TRIML1: variants seen among roughly 807,000 people sequenced by gnomAD.
The protein encoded by TRIML1 is probable E3 ubiquitin-protein ligase TRIML1.
TRIML1 carries 34 observed loss-of-function variants against 32.3 expected under a neutral mutation model. The ratio of observed to expected loss-of-function variants is 1.05; its 90% confidence interval spans 0.80 to 1.40. The LOEUF is 1.40. Ranked by LOEUF, TRIML1 falls within the 40% of genes most tolerant of loss-of-function variation. The pLI is 0.00. For missense variants in TRIML1, 595 were observed against 574.9 expected (o/e 1.03, Z -0.36); for synonymous variants, 244 against 226.6 (o/e 1.08, Z -0.69).
chr4:188,139,678 C>T lies in TRIML1; in HGVS notation c.120C>T (p.Leu40=). 1.2e-6 allele frequency: 2 copies of T among 1,614,112 alleles called. No homozygotes were observed. The highest frequency in any genetic ancestry group is 1.7e-6 in the Non-Finnish European group (2 of 1,180,030). The change falls in exon 1 of 6, where the codon CTC becomes CTT. Residue 40 remains leucine, a synonymous_variant. Transcript: ENST00000332517. ...GGCACAGCTTTTGTCTGGTGTGTCT[C>T]CTCAGGAGCTGGGAGGAACATAACA... ...ECGHSFCLVC[L]LRSWEEHNTP... is the part of the protein sequence containing the mutation.
chr4:188,146,741 A>T (rs535822248), intron 5 of TRIML1, 81 bp from the exon 6 acceptor site: 6 of 1,141,248 alleles, frequency 5.3e-6, no homozygotes, highest in Non-Finnish European at 7.0e-6. Flanking sequence ...ACTAAATACT[A>T]AGAATTCAAT....
intron 4 of TRIML1, 30 bp downstream of exon 4, chr4:188,143,890 A>C (rs763276724): frequency 3.1e-6 from 5 of 1,614,136 alleles, no homozygotes; most frequent in Non-Finnish European, 4.2e-6. Context: ...TCAGTTATGC[A>C]AGCTGCGGGG....
chr4:188,143,594 T>A, intron 3 of TRIML1: 1 of 538,820 alleles, frequency 1.9e-6, no homozygotes, highest in Non-Finnish European at 3.3e-6. Context: ...CTGGACAAGG[T>A]GATGATACGA....
chr4:188,147,069 C>T lies in TRIML1; in HGVS notation c.1104C>T (p.Leu368=). The change falls in exon 6 of 6, where the codon CTC becomes CTT. Residue 368 remains leucine (L), a synonymous_variant. Coordinates refer to ENST00000332517, the MANE Select transcript of TRIML1 (RefSeq NM_178556.5). ...CKDSVSRKGN[L]PKPPGDLFSL... ...ACTCTGTGAGCAGAAAGGGGAATCT[C>T]CCCAAGCCACCTGGGGACCTGTTCT... 6 of 1,613,732 alleles carry T rather than the reference C, an allele frequency of 3.7e-6. No homozygotes were observed. The highest frequency in any genetic ancestry group is 5.1e-6 in the Non-Finnish European group (6 of 1,179,880).
At chr4:188,144,285 C>T in intron 5 of TRIML1, 152 bp downstream of exon 5, 2 of 644,536 alleles carry the variant, frequency 3.1e-6, no homozygotes, top group Non-Finnish European at 5.4e-6. Flanking sequence ...GGGCCACAGA[C>T]CGTCTCTGAG....
intron 2 of TRIML1, among the ~76,000 whole-genome samples, chr4:188,141,980 C>T (rs1027248734): frequency 6.6e-6 from 1 of 151,832 alleles, no homozygotes; most frequent in African/African-American, 2.4e-5. Flanking sequence ...GGCGTGGTGG[C>T]ACACTCCTAG....
intron 5 of TRIML1, 22 bp downstream of exon 5, chr4:188,144,155 C>A: frequency 6.2e-7 from 1 of 1,601,630 alleles, no homozygotes; most frequent in Non-Finnish European, 8.5e-7. Flanking sequence ...TGATTTGTTA[C>A]CCCTCCGGGG....
chr4:188,139,750 T>A lies in TRIML1; in HGVS notation c.192T>A (p.His64Gln), dbSNP rs886490647. ...GCTGGAGGACCTTGGAGGGCCCGCA[T>A]TTCCAGTCAAACGAGCGTCTGGGGA... ...PECWRTLEGP[H>Q]FQSNERLGRL... Residue 64 changes from histidine to glutamine, a missense_variant, in exon 1 of 6, where the codon CAT (histidine) becomes CAA (glutamine). By Grantham distance (24) the His-to-Gln change is conservative. Transcript: ENST00000332517. 12 of 1,613,954 alleles carry A rather than the reference T, an allele frequency of 7.4e-6. No individual in the cohort carries two copies. Among genetic ancestry groups the A allele is most frequent in the Admixed American group, 6.7e-5 (4 of 60,012 alleles).
upstream of TRIML1, among the ~76,000 whole-genome samples, chr4:188,138,522 C>T: frequency 6.6e-6 from 1 of 152,006 alleles, no homozygotes; most frequent in Non-Finnish European, 1.5e-5. Context: ...GAGCTGACTC[C>T]CGAGCAGGGG....
chr4:188,144,214 GATCTGACACGAGGCTCCTGGTTAAGGA>G lies in TRIML1; in HGVS notation c.856+85_856+111del, dbSNP rs1734972338. ...CCTTCTTCCAGTGTCAGACATTCAC[GATCTGACACGAGGCTCCTGGTTAAGGA>G]ATCCGGGCCAGCACGGAACACCAGG... On this transcript the variant is annotated intron_variant, in intron 5 of 5. Coordinates refer to ENST00000332517, the MANE Select transcript of TRIML1 (RefSeq NM_178556.5). The G allele has an allele frequency of 2.5e-6, 3 of 1,219,984 alleles. No individual in the cohort carries two copies. The South Asian group carries it at 4.1e-5, about 17-fold the overall frequency. 75.6% of individuals were successfully genotyped at this position (1,219,984 alleles called of 1,614,324 possible). A position where few individuals can be genotyped will look rare whatever the true frequency, so the allele number is the denominator to read the frequency against.
chr4:188,143,689 A>G (rs1305085890), intron 3 of TRIML1, 149 bp from the exon 4 acceptor site: 16 of 870,042 alleles, frequency 1.8e-5, no homozygotes, highest in Admixed American at 5.9e-5. Flanking sequence ...GAAACTGGGG[A>G]CGCTTTTCTC....
Position 188,139,544 on chromosome 4 carries a change from T to C in TRIML1, c.-15T>C, listed in dbSNP as rs780880481. 6.4e-7 allele frequency: 1 copy of C among 1,554,190 alleles called. No homozygotes were observed. Among genetic ancestry groups the C allele is most frequent in the African/African-American group, 1.4e-5 (1 of 73,284 alleles). ...AACAGAGGTGTAACCTGGCTGCATA[T>C]CCAGCCTCGAGAAAATGTCTACAGC... On this transcript the variant is annotated 5_prime_UTR_variant, in exon 1 of 6. Transcript: ENST00000332517.
In TRIML1 at chr4:188,146,010, G is replaced by A. The variant is rs566412450; in HGVS notation, c.857-812G>A. Among the ~76,000 whole-genome samples the A allele has an allele frequency of 6.6e-5, 10 of 152,216 alleles. No individual in the cohort carries two copies. In the East Asian group the frequency reaches 1.9e-3, roughly 29 times the overall value. On this transcript the variant is annotated intron_variant, in intron 5 of 5. Transcript: ENST00000332517. ...TCAGTAACCGTGTAATCTTGGTGAA[G>A]TTTCCTAACCTTCCTGAACCTGTTT...
Position 188,142,493 on chromosome 4 carries a change from C to T in TRIML1, c.735+11C>T. 6.3e-7 allele frequency: 1 copy of T among 1,598,324 alleles called. No individual in the cohort carries two copies. Among genetic ancestry groups the T allele is most frequent in the Non-Finnish European group, 8.6e-7 (1 of 1,167,162 alleles). ...TTCGAATCTCTTGAGGTGAGAATAA[C>T]ATTCATGAGAGTAATGGGAAAAATT... On this transcript the variant is annotated intron_variant, in intron 3 of 5. Transcript: ENST00000332517.
chr4:188,144,402 T>TCA (rs1170481850), intron 5 of TRIML1, among the ~76,000 whole-genome samples: 2 of 150,338 alleles, frequency 1.3e-5, no homozygotes, highest in Non-Finnish European at 3.0e-5. Context: ...TCACTCCGTG[T>TCA]CCCGGGCTGG....
At position 188,147,660 on chromosome 4, in the gene TRIML1, T is replaced by G; in HGVS notation, c.*288T>G. On this transcript the variant is annotated 3_prime_UTR_variant, in exon 6 of 6. Transcript: ENST00000332517. ...GGTCACTCAAATATTGAGCCCCTAT[T>G]ACCATGAATCCTACTGCCATAGGCC... 3.3e-6 allele frequency: 1 copy of G among 304,000 alleles called. No individual in the cohort carries two copies. The allele number at this position is 304,000 out of a possible 1,614,324, so 18.8% of individuals were successfully genotyped here. A position where few individuals can be genotyped will look rare whatever the true frequency, so the allele number is the denominator to read the frequency against.
At chr4:188,144,357 A>G (rs1185723481) in intron 5 of TRIML1, among the ~76,000 whole-genome samples, 2 of 121,184 alleles carry the variant, frequency 1.7e-5, no homozygotes, top group African/African-American at 5.8e-5. Context: ...TTTCTGTCTA[A>G]AGGGTCTTTT....
Position 188,145,441 on chromosome 4 carries a change from C to CAAAAAAAAAAAAAAA in TRIML1, c.856+1329_856+1343dup, listed in dbSNP as rs869253721. 2.9e-4 allele frequency among the ~76,000 whole-genome samples: 10 copies of CAAAAAAAAAAAAAAA among 34,300 alleles called. 1 individual carries two copies. The highest frequency in any genetic ancestry group is 2.6e-3 in the East Asian group (2 of 760). The allele number at this position is 34,300 out of a possible 152,430, so 22.5% of individuals were successfully genotyped here. On this transcript the variant is annotated intron_variant, in intron 5 of 5. Transcript: ENST00000332517. ...TGGGCGACAGAGCGAGACTCCGTCT[C>CAAAAAAAAAAAAAAA]AAAAAAAAAAAAAAAAAAAAAAAAA...
chr4:188,138,321 GA>G (rs936084625), upstream of TRIML1, among the ~76,000 whole-genome samples: 38 of 152,092 alleles, frequency 2.5e-4, no homozygotes, highest in Admixed American at 2.2e-3. Flanking sequence ...TTGAAAGTCA[GA>G]AACCAATGAA....
Sources: allele counts gnomAD v4.1 joint callset (sites outside exome capture counted in the v4.1 genomes callset), GRCh38; gene constraint gnomAD v4.1.1; transcripts MANE v1.5; gene names NCBI Gene and HGNC (gene_info 2026-07-23, HGNC 2026-07-21).